The following RBFOX3 variants were observed in gnomAD, a reference collection of about 807,000 sequenced individuals.
The protein encoded by RBFOX3 is RNA binding fox-1 homolog 3.
RBFOX3 carries 17 observed loss-of-function variants against 48.7 expected under a neutral mutation model. The observed-to-expected ratio is 0.35, with a 90% confidence interval of 0.24 to 0.52. The LOEUF (loss-of-function observed/expected upper bound fraction) is 0.52. Ranked by LOEUF, RBFOX3 falls within the 20% of genes least tolerant of loss-of-function variation. RBFOX3 has a pLI of 0.94. For missense variants in RBFOX3, 382 were observed against 497.5 expected (o/e 0.77, Z 2.21); for synonymous variants, 212 against 209.5 (o/e 1.01, Z -0.10).
intron 3 of RBFOX3, among the ~76,000 whole-genome samples, chr17:79,248,562 C>G (rs2063494189): frequency 6.6e-6 from 1 of 152,244 alleles, no homozygotes; most frequent in Non-Finnish European, 1.5e-5. Flanking sequence ...CCAACCTAAG[C>G]TAGTTTCCCT....
chr17:79,274,871 C>A (rs1434536208), intron 3 of RBFOX3, among the ~76,000 whole-genome samples: 1 of 152,032 alleles, frequency 6.6e-6, no homozygotes, highest in African/African-American at 2.4e-5. Context: ...GCCTCCAAAA[C>A]CAACCCCAAA....
chr17:79,320,186 T>A (rs1304247196), intron 2 of RBFOX3, among the ~76,000 whole-genome samples: 1 of 152,198 alleles, frequency 6.6e-6, no homozygotes, highest in African/African-American at 2.4e-5. Flanking sequence ...TGTGGTGGAC[T>A]TGCTTCCTGA....
chr17:79,096,383 C>T (rs1414572817), intron 12 of RBFOX3, among the ~76,000 whole-genome samples: 1 of 152,174 alleles, frequency 6.6e-6, no homozygotes, highest in Non-Finnish European at 1.5e-5. Context: ...TTATATGAGG[C>T]CTTGCCCACA....
intron 4 of RBFOX3, among the ~76,000 whole-genome samples, chr17:79,188,166 C>A (rs538339232): frequency 6.6e-6 from 1 of 152,332 alleles, no homozygotes; most frequent in South Asian, 2.1e-4. Context: ...GGCCCACTCA[C>A]ACCACCTTCA....
At chr17:79,227,026 C>T (rs150779449) in intron 4 of RBFOX3, among the ~76,000 whole-genome samples, 5 of 152,328 alleles carry the variant, frequency 3.3e-5, no homozygotes, top group Admixed American at 6.5e-5. Flanking sequence ...CAGAAGGCTG[C>T]GGTGCCTCCA....
chr17:79,278,987 AC>A (rs925847517), intron 3 of RBFOX3, among the ~76,000 whole-genome samples: 176 of 152,286 alleles, frequency 1.2e-3, no homozygotes, highest in Middle Eastern at 6.8e-3. Flanking sequence ...TCCTCTCACA[AC>A]TTTTGGAGGC....
At chr17:79,553,931 A>G (rs2091381634) in intron 1 of RBFOX3, among the ~76,000 whole-genome samples, 1 of 152,098 alleles carries the variant, frequency 6.6e-6, no homozygotes, top group Non-Finnish European at 1.5e-5. Context: ...ATAGGGTTTC[A>G]CCACGTTGGC....
At chr17:79,592,773 C>T (rs923166408) in intron 1 of RBFOX3, among the ~76,000 whole-genome samples, 9 of 152,316 alleles carry the variant, frequency 5.9e-5, no homozygotes, top group South Asian at 2.1e-4. Flanking sequence ...CTGGGCACTG[C>T]GGCATGGGGC....
chr17:79,169,561 A>C (rs1476833353), intron 4 of RBFOX3, among the ~76,000 whole-genome samples: 2 of 152,152 alleles, frequency 1.3e-5, no homozygotes, highest in Non-Finnish European at 2.9e-5. Flanking sequence ...CCCTCCCACC[A>C]TGGGACCCTG....
In RBFOX3 at chr17:79,378,238, A is replaced by T. The variant is rs1277454771; in HGVS notation, c.-174-70414T>A. On this transcript the variant is annotated intron_variant, in intron 2 of 14. Coordinates refer to ENST00000693108, the MANE Select transcript of RBFOX3 (RefSeq NM_001350451.2). ...CCTCATCACCACTCTGGACACAAAGAACTGAGCCTCTCCCACTGGTCCTAG... is the reference window on the plus strand; with the variant it reads ...CCTCATCACCACTCTGGACACAAAGTACTGAGCCTCTCCCACTGGTCCTAG... 2.0e-5 allele frequency among the ~76,000 whole-genome samples: 3 copies of T among 151,970 alleles called. No individual in the cohort carries two copies. The East Asian group carries it at 5.8e-4, about 30-fold the overall frequency.
chr17:79,535,930 G>A lies in RBFOX3; in HGVS notation c.-319-53332C>T, dbSNP rs1406199112. Among the ~76,000 whole-genome samples, 10 of 152,084 alleles carry A rather than the reference G, an allele frequency of 6.6e-5. No homozygotes were observed. The highest frequency in any genetic ancestry group is 4.1e-4 in the South Asian group (2 of 4,822). On this transcript the variant is annotated intron_variant, in intron 1 of 14. Coordinates refer to ENST00000693108, the MANE Select transcript of RBFOX3 (RefSeq NM_001350451.2). This position sits in a 1 kb window ranked among gnomAD's most constrained non-coding sequence, Gnocchi z 4.5. ...TGCACCCCTGCCCGTGACCAGTAGCGGCAGGGTCATCTCCACAGGCCCCTC... is the reference window on the plus strand; with the variant it reads ...TGCACCCCTGCCCGTGACCAGTAGCAGCAGGGTCATCTCCACAGGCCCCTC...
intron 1 of RBFOX3, among the ~76,000 whole-genome samples, chr17:79,510,426 C>T (rs914240736): frequency 6.6e-6 from 1 of 152,228 alleles, no homozygotes; most frequent in Non-Finnish European, 1.5e-5. Context: ...ACCCTACCCT[C>T]AGACGACACA....
At chr17:79,662,745 T>TA in the RBFOX3 span, among the ~76,000 whole-genome samples, 2 of 152,132 alleles carry the variant, frequency 1.3e-5, no homozygotes, top group African/African-American at 4.8e-5. Flanking sequence ...AGAAACCCAA[T>TA]AAAAAGTTTG....
At position 79,198,242 on chromosome 17, in the gene RBFOX3, C is replaced by T. The variant is rs181889057; in HGVS notation, c.-34+37524G>A. On this transcript the variant is annotated intron_variant, in intron 4 of 14. Transcript: ENST00000693108. This position sits in a 1 kb window ranked among gnomAD's most constrained non-coding sequence, Gnocchi z 8.2. ...AGAAGGGGAAATCATGGGTGACAACCGCCTCTGGCCAGCCCTCTGCCCTCG... is the reference window on the plus strand; with the variant it reads ...AGAAGGGGAAATCATGGGTGACAACTGCCTCTGGCCAGCCCTCTGCCCTCG... Among the ~76,000 whole-genome samples, 43 of 152,334 alleles carry T rather than the reference C, an allele frequency of 2.8e-4. No individual in the cohort carries two copies. In the East Asian group the frequency reaches 2.9e-3, roughly 10 times the overall value.
At chr17:79,349,795 G>A (rs1312664641) in intron 2 of RBFOX3, among the ~76,000 whole-genome samples, 1 of 151,782 alleles carries the variant, frequency 6.6e-6, no homozygotes, top group Non-Finnish European at 1.5e-5. Context: ...TCCCCAGCAG[G>A]GCCTTGCCTC....
chr17:79,516,793 G>A (rs899319050), intron 1 of RBFOX3, among the ~76,000 whole-genome samples: 11 of 152,202 alleles, frequency 7.2e-5, no homozygotes, highest in Non-Finnish European at 1.0e-4. Flanking sequence ...GCGCTGGAAC[G>A]ATCCCTGCCC....
intron 1 of RBFOX3, among the ~76,000 whole-genome samples, chr17:79,558,547 T>G (rs1160161973): frequency 2.0e-5 from 3 of 151,530 alleles, no homozygotes; most frequent in Non-Finnish European, 4.4e-5. Context: ...AAGACCACAG[T>G]CAGGACCAGC....
chr17:79,189,883 T>G (rs1384063475), intron 4 of RBFOX3, among the ~76,000 whole-genome samples: 1 of 152,346 alleles, frequency 6.6e-6, no homozygotes, highest in East Asian at 1.9e-4. Flanking sequence ...GGGTATCCAG[T>G]GAAGTGCCCT....
chr17:79,118,073 C>G (rs1568163865), intron 4 of RBFOX3, among the ~76,000 whole-genome samples: 1 of 152,052 alleles, frequency 6.6e-6, no homozygotes, highest in African/African-American at 2.4e-5. Context: ...CTGGGCAACC[C>G]AGCCGTGCCC....
Sources: allele counts gnomAD v4.1 joint callset (sites outside exome capture counted in the v4.1 genomes callset), GRCh38; gene constraint gnomAD v4.1.1; non-coding constraint Gnocchi (gnomAD v3.1); transcripts MANE v1.5; gene names NCBI Gene and HGNC (gene_info 2026-07-23, HGNC 2026-07-21).